XIRP2: variants seen among roughly 807,000 people sequenced by gnomAD.
XIRP2 encodes xin actin-binding repeat-containing protein 2.
A neutral mutation model predicts 277.0 loss-of-function variants in XIRP2; 236 were observed. The observed-to-expected ratio is 0.85, with a 90% CI of 0.77 to 0.95. The LOEUF is 0.95. XIRP2 is among the 40% of genes least tolerant of loss of function. XIRP2 has a pLI of 0.00. For missense variants in XIRP2, 4,640 were observed against 4,157.5 expected (o/e 1.12, Z -3.19); for synonymous variants, 1,490 against 1,416.5 (o/e 1.05, Z -1.17).
chr2:167,248,071 G>C lies in XIRP2; in HGVS notation c.6679G>C (p.Val2227Leu), dbSNP rs1345676255. The change falls in exon 9 of 11, where the codon GTC (valine) becomes CTC (leucine). Residue 2227 changes from valine (V) to leucine (L), a missense_variant. Val to Leu is a conservative substitution (Grantham distance 32). Transcript: ENST00000409195. The stretch of plus-strand genomic sequence containing the variant: ...CACATCCAATGTAACAGAAATGAAA[G>C]TCTCTGAAAAAAGTCACAATACATT... ...QDTSNVTEMKVSEKSHNTFKA... is the reference protein window; with the variant it reads ...QDTSNVTEMKLSEKSHNTFKA... 6.2e-7 allele frequency: 1 copy of C among 1,613,464 alleles called. No individual in the cohort carries two copies. The highest frequency in any genetic ancestry group is 2.2e-5 in the East Asian group (1 of 44,816).
chr2:167,032,351 A>T (rs1688387519), intron 2 of XIRP2, among the ~76,000 whole-genome samples: 1 of 152,208 alleles, frequency 6.6e-6, no homozygotes, highest in Non-Finnish European at 1.5e-5. Flanking sequence ...AAACCCTAGA[A>T]GAAAACCTAG....
At chr2:167,023,580 T>C (rs1419004114) in intron 2 of XIRP2, among the ~76,000 whole-genome samples, 2 of 152,246 alleles carry the variant, frequency 1.3e-5, no homozygotes, top group African/African-American at 4.8e-5. Context: ...AGGGTTTTTA[T>C]GGTTTTAGGT....
chr2:167,169,783 T>G (rs1161717503), intron 3 of XIRP2, among the ~76,000 whole-genome samples: 2 of 152,230 alleles, frequency 1.3e-5, no homozygotes, highest in Non-Finnish European at 2.9e-5. Flanking sequence ...CCATATCTAC[T>G]GGGTGTATAG....
chr2:166,916,870 A>G (rs1236272991), intron 2 of XIRP2, among the ~76,000 whole-genome samples: 9 of 152,210 alleles, frequency 5.9e-5, no homozygotes, highest in Non-Finnish European at 2.9e-5. Context: ...ATATCTGTAA[A>G]ATAAGGAGAT....
At chr2:166,891,213 C>T (rs1051997921) in intron 1 of XIRP2, among the ~76,000 whole-genome samples, 3 of 152,122 alleles carry the variant, frequency 2.0e-5, no homozygotes, top group African/African-American at 7.2e-5. Flanking sequence ...AAGCTTATTG[C>T]AAATATACAA....
At chr2:167,187,616 A>G (rs1237785073) in intron 3 of XIRP2, 2 of 873,174 alleles carry the variant, frequency 2.3e-6, no homozygotes, top group East Asian at 2.4e-4. Flanking sequence ...AATGAAGACC[A>G]TAGGTCAAAT....
At position 167,250,294 on chromosome 2, in the gene XIRP2, C is replaced by T. The variant is rs1265477179; in HGVS notation, c.8902C>T (p.Pro2968Ser). The T allele has an allele frequency of 9.9e-6, 16 of 1,612,818 alleles. No homozygotes were observed. Among genetic ancestry groups the T allele is most frequent in the Non-Finnish European group, 1.4e-5 (16 of 1,179,518 alleles). ...LSRVKQFEAE[P>S]NKSGLKTFQT... ...GAGAGTGAAACAGTTTGAAGCAGAGCCAAATAAAAGTGGCCTTAAAACATT... is the reference window on the plus strand; with the variant it reads ...GAGAGTGAAACAGTTTGAAGCAGAGTCAAATAAAAGTGGCCTTAAAACATT... The change falls in exon 9 of 11, where the codon CCA (proline) becomes TCA (serine). Residue 2968 changes from proline (P) to serine (S), a missense_variant. Transcript: ENST00000409195.
chr2:167,184,684 A>G (rs928190406), intron 3 of XIRP2: 128 of 707,670 alleles, frequency 1.8e-4, no homozygotes, highest in African/African-American at 1.8e-3. Context: ...TCTGGGTCTC[A>G]TTGGTTTGGC....
chr2:166,947,325 C>T (rs1047807061), intron 2 of XIRP2, among the ~76,000 whole-genome samples: 5 of 152,204 alleles, frequency 3.3e-5, no homozygotes, highest in Admixed American at 2.0e-4. Context: ...AAGTCTAAAA[C>T]AGTGTTTGAC....
intron 2 of XIRP2, among the ~76,000 whole-genome samples, chr2:166,979,756 C>G (rs1313888802): frequency 6.6e-6 from 1 of 152,044 alleles, no homozygotes; most frequent in Non-Finnish European, 1.5e-5. Flanking sequence ...GACGCATTTG[C>G]CTTCTTATAC....
At chr2:167,099,443 G>A (rs1403417263) in intron 2 of XIRP2, among the ~76,000 whole-genome samples, 2 of 152,126 alleles carry the variant, frequency 1.3e-5, no homozygotes, top group Non-Finnish European at 2.9e-5. Flanking sequence ...TAACTTGCTG[G>A]GCTCTGTGGT....
chr2:167,257,801 TCCCTATGAACTTACAGTAAATACGAACTG>T (rs2105457432), intron 10 of XIRP2, 27 bp from the exon 11 acceptor site: 1 of 1,503,070 alleles, frequency 6.7e-7, no homozygotes, highest in African/African-American at 1.4e-5. Context: ...AATCCCCAAT[TCCCTATGAACTTACAGTAAATACGAACTG>T]CTAAGTGTTC....
rs1411473742 is a variant in XIRP2, at chr2:166,915,016, G to A, written c.408+11126G>A. ...TTGTTTTTTAAAAAAAGACATATTA[G>A]TCTGGGAGCGGTGGCTCACACCTGT... On this transcript the variant is annotated intron_variant, in intron 2 of 10. Coordinates refer to ENST00000409195, the MANE Select transcript of XIRP2 (RefSeq NM_152381.6). 5.3e-5 allele frequency among the ~76,000 whole-genome samples: 8 copies of A among 152,126 alleles called. No individual in the cohort carries two copies. In the Middle Eastern group the frequency reaches 0.01, roughly 194 times the overall value.
intron 3 of XIRP2, among the ~76,000 whole-genome samples, chr2:167,159,515 A>G (rs1286677509): frequency 2.0e-5 from 3 of 152,220 alleles, no homozygotes; most frequent in East Asian, 3.8e-4. Flanking sequence ...TGATTTAAGA[A>G]TAAATTATTT....
In XIRP2 at chr2:166,974,318, C is replaced by A. The variant is rs368394883; in HGVS notation, c.408+70428C>A. On this transcript the variant is annotated intron_variant, in intron 2 of 10. Transcript: ENST00000409195. ...GAAGAAAAATGACACCGAGTAGAAA[C>A]AATGCTCTAGAAAAAGGAATAAAGA... is the stretch of plus-strand genomic sequence containing the variant. 6.6e-4 allele frequency among the ~76,000 whole-genome samples: 101 copies of A among 152,060 alleles called. 1 individual carries two copies. The highest frequency in any genetic ancestry group is 2.4e-3 in the African/African-American group (99 of 41,484).
chr2:167,103,732 CT>C (rs1362134772), intron 2 of XIRP2, among the ~76,000 whole-genome samples: 1 of 152,068 alleles, frequency 6.6e-6, no homozygotes, highest in Non-Finnish European at 1.5e-5. Context: ...TCAGAAAACA[CT>C]TTTGCTAAAT....
intron 3 of XIRP2, among the ~76,000 whole-genome samples, chr2:167,200,863 C>T (rs922569199): frequency 3.3e-5 from 5 of 151,664 alleles, no homozygotes; most frequent in African/African-American, 7.3e-5. Context: ...TGGTGGCTCA[C>T]GCCTGCAACC....
chr2:166,933,013 C>A (rs1199958609), intron 2 of XIRP2, among the ~76,000 whole-genome samples: 1 of 151,978 alleles, frequency 6.6e-6, no homozygotes, highest in Non-Finnish European at 1.5e-5. Context: ...ATTGTCTTGG[C>A]TGTATTTATT....
At chr2:167,217,772 A>G (rs1443651844) in intron 4 of XIRP2, among the ~76,000 whole-genome samples, 2 of 152,110 alleles carry the variant, frequency 1.3e-5, no homozygotes, top group South Asian at 2.1e-4. Flanking sequence ...TGTGTTCCCT[A>G]TATAGATGTT....
Sources: gnomAD v4.1 joint callset for allele counts (sites outside exome capture counted in the v4.1 genomes callset) on GRCh38, gnomAD v4.1.1 for gene constraint, MANE v1.5 for transcripts, NCBI Gene and HGNC (gene_info 2026-07-23, HGNC 2026-07-21) for gene names.